ABCC8: variants seen among roughly 807,000 people sequenced by gnomAD.
ABCC8 encodes the protein ATP-binding cassette sub-family C member 8.
A neutral mutation model predicts 188.0 loss-of-function variants in ABCC8; 137 were observed. The observed-to-expected ratio is 0.73, with a 90% CI of 0.63 to 0.84. The LOEUF is 0.84. Among genes scored for constraint, ABCC8 ranks in the 40% least tolerant of loss-of-function variants. The pLI is 0.00. For missense variants in ABCC8, 1,750 were observed against 2,072.7 expected (o/e 0.84, Z 3.02); for synonymous variants, 797 against 846.5 (o/e 0.94, Z 1.01).
chr11:17,396,959 G>A lies in ABCC8; in HGVS notation c.4076C>T (p.Pro1359Leu), dbSNP rs377686759. 2.0e-5 allele frequency: 32 copies of A among 1,614,080 alleles called. No individual in the cohort carries two copies. The highest frequency in any genetic ancestry group is 2.5e-5 in the Non-Finnish European group (29 of 1,180,040). ...GAGGGCATTGACGTGCTTCAGCACC[G>A]GCTTCAGGGAGCTGTCGTAGCGCAC... is the stretch of plus-strand genomic sequence containing the variant. ...LSVRYDSSLK[P>L]VLKHVNALIA... Residue 1359 changes from proline (P) to leucine (L), a missense_variant, in exon 33 of 39, where the codon CCG (proline) becomes CTG (leucine). Physicochemically the swap from Pro to Leu is moderately conservative, Grantham distance 98. Coordinates refer to ENST00000389817, the MANE Select transcript of ABCC8 (RefSeq NM_000352.6).
At chr11:17,436,782 T>C (rs1247592670) in intron 10 of ABCC8, among the ~76,000 whole-genome samples, 4 of 152,116 alleles carry the variant, frequency 2.6e-5, no homozygotes, top group African/African-American at 9.7e-5. Flanking sequence ...TTTCCAAAAA[T>C]ATCCCTTAAG....
chr11:17,449,818 C>T (rs1009009890), intron 7 of ABCC8, among the ~76,000 whole-genome samples: 1 of 152,122 alleles, frequency 6.6e-6, no homozygotes, highest in African/African-American at 2.4e-5. Context: ...TTTCTGTGAG[C>T]TAATATACAC....
Position 17,427,142 on chromosome 11 carries a change from A to G in ABCC8, c.2129T>C (p.Met710Thr). ...TIRIPRGQLT[M>T]IVGQVGCGKS... ...GCCGCAGCCCACCTGCCCCACGATC[A>G]TAGTCAGCTGGCCTGCAGGGAGGGA... Residue 710 changes from methionine to threonine, a missense_variant, in exon 16 of 39, where the codon ATG (methionine) becomes ACG (threonine). Coordinates refer to ENST00000389817, the MANE Select transcript of ABCC8 (RefSeq NM_000352.6). This position sits in a 1 kb window ranked among gnomAD's most constrained non-coding sequence, Gnocchi z 5.0. The G allele has an allele frequency of 3.7e-6, 6 of 1,613,188 alleles. No individual in the cohort carries two copies. Among genetic ancestry groups the G allele is most frequent in the Non-Finnish European group, 4.2e-6 (5 of 1,179,632 alleles).
intron 36 of ABCC8, 47 bp downstream of exon 36, chr11:17,395,125 G>A: frequency 6.4e-7 from 1 of 1,551,332 alleles, no homozygotes; most frequent in Non-Finnish European, 8.7e-7. Flanking sequence ...TCCTTACAGG[G>A]TCCTTGAGTG....
At chr11:17,434,984 C>CGCGCGT (rs71457876) in intron 10 of ABCC8, among the ~76,000 whole-genome samples, 269 of 144,758 alleles carry the variant, frequency 1.9e-3, no homozygotes, top group Middle Eastern at 0.017. Flanking sequence ...CGTGTGTTCG[C>CGCGCGT]GTGTGTGTGT....
rs1953710618 is a variant in ABCC8 at position 17,393,077 on chromosome 11, C to T, written c.4660G>A (p.Gly1554Ser). ...SADLVIVLKRGAILEFDKPEK... is the reference protein window; with the variant it reads ...SADLVIVLKRSAILEFDKPEK... Reference sequence around the variant, plus strand: ...GGCTTATCGAACTCAAGGATGGCACCCCGCTTCAGGACGATCACCAGGTCT... The same window carrying T: ...GGCTTATCGAACTCAAGGATGGCACTCCGCTTCAGGACGATCACCAGGTCT... The change falls in exon 39 of 39, where the codon GGT becomes AGT. Residue 1554 changes from glycine to serine, a missense_variant. Physicochemically the swap from Gly to Ser is moderately conservative, Grantham distance 56. Coordinates refer to ENST00000389817, the MANE Select transcript of ABCC8 (RefSeq NM_000352.6). The T allele has an allele frequency of 6.2e-7, 1 of 1,613,958 alleles. No individual in the cohort carries two copies. Among genetic ancestry groups the T allele is most frequent in the African/African-American group, 1.3e-5 (1 of 74,910 alleles).
intron 6 of ABCC8, among the ~76,000 whole-genome samples, chr11:17,457,110 G>A (rs756967144): frequency 1.1e-4 from 16 of 152,174 alleles, no homozygotes; most frequent in Non-Finnish European, 1.9e-4. Flanking sequence ...TTGAAGGCAG[G>A]TACTCTAGGC....
At chr11:17,429,960 T>G (rs1382787369) in intron 12 of ABCC8, 1 of 152,654 alleles carries the variant, frequency 6.6e-6, no homozygotes, top group East Asian at 1.9e-4. Context: ...CAACAGCTAC[T>G]CCTTCCTTCC....
chr11:17,463,478 C>G lies in ABCC8; in HGVS notation c.539G>C (p.Gly180Ala). The G allele has an allele frequency of 1.2e-6, 2 of 1,605,626 alleles. No homozygotes were observed. The highest frequency in any genetic ancestry group is 8.5e-7 in the Non-Finnish European group (1 of 1,176,280). The change falls in exon 4 of 39, where the codon GGG (glycine) becomes GCG (alanine). Residue 180 changes from glycine to alanine, a missense_variant. Transcript: ENST00000389817. ...CLTGLLVILY[G>A]MLLLVEVNVI... The stretch of plus-strand genomic sequence containing the variant: ...ATTGACCTCCACGAGGAGCAGCATC[C>G]CATAGAGGATCACCAGCAGCCCTGT...
intron 4 of ABCC8, among the ~76,000 whole-genome samples, chr11:17,462,086 T>C (rs1390364744): frequency 6.6e-6 from 1 of 152,114 alleles, no homozygotes; most frequent in East Asian, 1.9e-4. Context: ...TTAGGTTGGG[T>C]TGGGGAGGAG....
intron 23 of ABCC8, 95 bp downstream of exon 23, chr11:17,408,296 TG>T: frequency 8.0e-7 from 1 of 1,249,208 alleles, no homozygotes; most frequent in Non-Finnish European, 1.1e-6. Flanking sequence ...GGGGGCTTCC[TG>T]GGGCACTAAG....
rs1848805383 is a variant in ABCC8 at position 17,476,714 on chromosome 11, G to A, written c.63C>T (p.Val21=). Residue 21 remains valine (V), a synonymous_variant, in exon 1 of 39, where the codon GTC becomes GTT. Transcript: ENST00000389817. ...CGTCCACAAAGCAGCCGTTGTTGAG[G>A]ACCCCCTGGTCCACCCGGTAGGCGG... ...HSAAYRVDQG[V]LNNGCFVDAL... 6.2e-7 allele frequency: 1 copy of A among 1,610,692 alleles called. No individual in the cohort carries two copies. Among genetic ancestry groups the A allele is most frequent in the Non-Finnish European group, 8.5e-7 (1 of 1,178,698 alleles).
chr11:17,476,015 T>C (rs1222692688), intron 1 of ABCC8, among the ~76,000 whole-genome samples: 1 of 152,172 alleles, frequency 6.6e-6, no homozygotes, highest in Non-Finnish European at 1.5e-5. Flanking sequence ...GCCTGAGAAG[T>C]TGCGCTCTGG....
At chr11:17,466,281 C>T (rs1848140896) in intron 3 of ABCC8, among the ~76,000 whole-genome samples, 1 of 151,816 alleles carries the variant, frequency 6.6e-6, no homozygotes, top group Admixed American at 6.6e-5. Flanking sequence ...TACCTATAGT[C>T]CCAGTTACTC....
intron 28 of ABCC8, among the ~76,000 whole-genome samples, chr11:17,403,076 G>T (rs1048581288): frequency 3.3e-5 from 5 of 152,252 alleles, no homozygotes; most frequent in African/African-American, 1.2e-4. Context: ...AGGCTGGGCA[G>T]GCAGTGCTAG....
intron 18 of ABCC8, 140 bp from the exon 19 acceptor site, chr11:17,414,750 C>T (rs1160206712): frequency 6.8e-7 from 1 of 1,471,944 alleles, no homozygotes; most frequent in Admixed American, 2.1e-5. Flanking sequence ...TTAGTGTGGC[C>T]TCTGGTGGCC....
rs1186535110 is a variant in ABCC8, at chr11:17,466,430, G to T, written c.413-2826C>A. On this transcript the variant is annotated intron_variant, in intron 3 of 38. Transcript: ENST00000389817. ...AAAAAAAAAAAAAAAGACAGTGCAT[G>T]ATGCCGCTTAGATGAGGTACCTAGA... 2.0e-5 allele frequency among the ~76,000 whole-genome samples: 3 copies of T among 149,730 alleles called. No individual in the cohort carries two copies. In the South Asian group the frequency reaches 6.3e-4, roughly 32 times the overall value.
chr11:17,434,638 C>T (rs1955996778), intron 10 of ABCC8, among the ~76,000 whole-genome samples: 1 of 152,180 alleles, frequency 6.6e-6, no homozygotes, highest in Non-Finnish European at 1.5e-5. Context: ...TGATAATTGA[C>T]ACTTCATTCT....
At chr11:17,396,642 G>C (rs1953942912) in intron 33 of ABCC8, 1 of 493,754 alleles carries the variant, frequency 2.0e-6, no homozygotes, top group Admixed American at 3.3e-5. Flanking sequence ...GGGAGGCCCT[G>C]ACAAAGCCCG....
Sources: gnomAD v4.1 joint callset for allele counts (sites outside exome capture counted in the v4.1 genomes callset) on GRCh38, gnomAD v4.1.1 for gene constraint, Gnocchi (gnomAD v3.1) non-coding constraint, MANE v1.5 for transcripts, NCBI Gene and HGNC (gene_info 2026-07-23, HGNC 2026-07-21) for gene names.